The following WNK2 variants were observed in gnomAD, a reference collection of about 807,000 sequenced individuals.
WNK2 encodes the protein serine/threonine-protein kinase WNK2.
Under a neutral mutation model 192.1 loss-of-function variants are expected in WNK2, and 67 were observed. That is an observed-to-expected ratio of 0.35 (90% CI 0.29 to 0.43). WNK2 has a LOEUF of 0.43. WNK2 is among the 20% of genes least tolerant of loss of function. The pLI is 1.00. For missense variants in WNK2, 2,698 were observed against 3,089.7 expected (o/e 0.87, Z 3.01); for synonymous variants, 1,439 against 1,393.9 (o/e 1.03, Z -0.72).
Position 93,308,842 on chromosome 9 carries a change from C to T in WNK2, c.6516+258C>T, listed in dbSNP as rs1252199274. The T allele has an allele frequency of 8.7e-6, 12 of 1,372,592 alleles. No homozygotes were observed. The Admixed American group carries it at 3.9e-4, about 44-fold the overall frequency. The allele number at this position is 1,372,592 out of a possible 1,614,324, so 85.0% of individuals were successfully genotyped here. ...CCAGGCCAGGGCTGTGACTCCACAG[C>T]TCAGATACAGCAGCAGCCCCAGCCT... On this transcript the variant is annotated intron_variant, in intron 28 of 29. Transcript: ENST00000427277.
intron 19 of WNK2, among the ~76,000 whole-genome samples, chr9:93,281,512 C>T (rs192274079): frequency 1.3e-5 from 2 of 152,072 alleles, no homozygotes; most frequent in East Asian, 1.9e-4. Flanking sequence ...ATAATGAAAA[C>T]AGTAGAAAAT....
rs373319969 is a variant in WNK2 at position 93,262,136 on chromosome 9, A to G, written c.3360+29A>G. On this transcript the variant is annotated intron_variant, in intron 13 of 29. Transcript: ENST00000427277. Reference sequence around the variant, plus strand: ...TGTGCCCCTCCCCCCAGCCTGTCCCATGACTGGGCAGTTGCGGCCACCGGG... The same window carrying G: ...TGTGCCCCTCCCCCCAGCCTGTCCCGTGACTGGGCAGTTGCGGCCACCGGG... The G allele has an allele frequency of 2.2e-5, 34 of 1,550,210 alleles. 1 individual carries two copies. Among genetic ancestry groups the G allele is most frequent in the African/African-American group, 1.5e-4 (11 of 73,882 alleles).
At chr9:93,318,974 A>G in intron 29 of WNK2, 1 of 1,465,160 alleles carries the variant, frequency 6.8e-7, no homozygotes, top group Non-Finnish European at 9.0e-7. Flanking sequence ...CAATTCAGTT[A>G]GAATTGAATT....
chr9:93,268,492 C>T, intron 18 of WNK2, 135 bp from the exon 19 acceptor site: 1 of 1,377,708 alleles, frequency 7.3e-7, no homozygotes, highest in Non-Finnish European at 1.0e-6. Flanking sequence ...TGCCCACACC[C>T]TTCCTGGAGA....
At chr9:93,213,168 A>G (rs115836235) in intron 2 of WNK2, among the ~76,000 whole-genome samples, 2,305 of 152,238 alleles carry the variant, frequency 0.015, 60 homozygotes, top group African/African-American at 0.053. Flanking sequence ...TTGGAGCAAC[A>G]AGGATGGTTG....
chr9:93,188,451 C>T (rs1188514588), intron 2 of WNK2, among the ~76,000 whole-genome samples: 2 of 152,228 alleles, frequency 1.3e-5, no homozygotes, highest in Admixed American at 1.3e-4. Context: ...GGTGTTTCAC[C>T]TTCTGAATTC....
chr9:93,240,083 C>T, intron 7 of WNK2, 107 bp downstream of exon 7: 1 of 1,179,488 alleles, frequency 8.5e-7, no homozygotes, highest in South Asian at 1.5e-5. Context: ...GAGGGGACTG[C>T]AAGGCCAGTG....
At chr9:93,209,862 T>C (rs1249307180) in intron 2 of WNK2, among the ~76,000 whole-genome samples, 1 of 152,198 alleles carries the variant, frequency 6.6e-6, no homozygotes, top group African/African-American at 2.4e-5. Flanking sequence ...GGGGCTGGTC[T>C]ATCATGGTGC....
At chr9:93,300,269 G>A in intron 26 of WNK2, 120 bp downstream of exon 26, 2 of 786,454 alleles carry the variant, frequency 2.5e-6, no homozygotes, top group South Asian at 3.3e-5. Flanking sequence ...CCCCATCGAA[G>A]TCACCTATTT....
In WNK2 at chr9:93,257,221, G is replaced by A; in HGVS notation, c.2382+82G>A. Reference sequence around the variant, plus strand: ...CTGGTGCACTAGGACACCCACAGAGGGGGTTGTCTGTGCATGTGACCTGTG... The same window carrying A: ...CTGGTGCACTAGGACACCCACAGAGAGGGTTGTCTGTGCATGTGACCTGTG... On this transcript the variant is annotated intron_variant, in intron 11 of 29. Coordinates refer to ENST00000427277, the MANE Select transcript of WNK2 (RefSeq NM_006648.4). This position sits in a 1 kb window ranked among gnomAD's most constrained non-coding sequence, Gnocchi z 4.7. 6.9e-7 allele frequency: 1 copy of A among 1,452,498 alleles called. No individual in the cohort carries two copies. The highest frequency in any genetic ancestry group is 9.3e-7 in the Non-Finnish European group (1 of 1,079,748). The allele number at this position is 1,452,498 out of a possible 1,614,324, so 90.0% of individuals were successfully genotyped here. A position where few individuals can be genotyped will look rare whatever the true frequency, so the allele number is the denominator to read the frequency against.
intron 26 of WNK2, 168 bp downstream of exon 26, chr9:93,300,317 G>A (rs1219780303): frequency 5.2e-6 from 3 of 579,216 alleles, no homozygotes; most frequent in South Asian, 2.1e-5. Flanking sequence ...GTCCCCTGGA[G>A]CGGCGGCCGC....
chr9:93,218,515 G>T (rs531589175), intron 2 of WNK2, among the ~76,000 whole-genome samples: 1 of 152,338 alleles, frequency 6.6e-6, no homozygotes, highest in Admixed American at 6.5e-5. Flanking sequence ...GAAAGTTTTT[G>T]TGGTGGGATG....
intron 19 of WNK2, among the ~76,000 whole-genome samples, chr9:93,287,861 G>C (rs895097215): frequency 6.6e-6 from 1 of 152,144 alleles, no homozygotes; most frequent in African/African-American, 2.4e-5. Context: ...AGGAGTACAA[G>C]ACCAGCCTGG....
At chr9:93,260,625 G>A (rs1019951218) in intron 12 of WNK2, among the ~76,000 whole-genome samples, 4 of 152,324 alleles carry the variant, frequency 2.6e-5, no homozygotes, top group Non-Finnish European at 4.4e-5. Context: ...ACCGTGAGCC[G>A]TTCCTCCTGG....
intron 24 of WNK2, 61 bp downstream of exon 24, chr9:93,298,128 G>C: frequency 6.6e-7 from 1 of 1,518,424 alleles, no homozygotes; most frequent in Non-Finnish European, 8.9e-7. Flanking sequence ...AGTGAGCCTG[G>C]GAGGTAGGCT....
Position 93,247,717 on chromosome 9 carries a change from G to T in WNK2, c.1717G>T (p.Val573Phe). The change falls in exon 8 of 30, where the codon GTC becomes TTC. Residue 573 changes from valine to phenylalanine, a missense_variant. By Grantham distance (50) the Val-to-Phe change is conservative. Around this residue, in one of 7 missense-constraint regions of WNK2, gnomAD observed 893 missense variants for 909.0 expected, o/e 0.98. Transcript: ENST00000427277. The surrounding 1 kb of genome is among the most constrained non-coding windows in gnomAD (Gnocchi z 5.2). ...CAGGGGTCCGCCGGTGCCCCTGCAG[G>T]TCCAGGTGACCTACCATGCACAGGC... ...KARGPPVPLQVQVTYHAQAGQ... is the reference protein window; with the variant it reads ...KARGPPVPLQFQVTYHAQAGQ... 1 of 1,560,432 alleles carries T rather than the reference G, an allele frequency of 6.4e-7. No homozygotes were observed. The highest frequency in any genetic ancestry group is 1.2e-5 in the South Asian group (1 of 84,590).
intron 2 of WNK2, among the ~76,000 whole-genome samples, chr9:93,191,817 G>C (rs764578869): frequency 6.6e-6 from 1 of 152,076 alleles, no homozygotes; most frequent in Non-Finnish European, 1.5e-5. Flanking sequence ...TTGAGGTCAA[G>C]AGTTTGAAAC....
In WNK2 at chr9:93,185,100, G is replaced by T; in HGVS notation, c.171G>T (p.Leu57Phe). ...CGGACCAGGAGGAGCCGCCGGGCTT[G>T]GAGGCAGCCGAGGCGCCGGGCCCGC... ...VESDQEEPPG[L>F]EAAEAPGPQP... The change falls in exon 2 of 30, where the codon TTG becomes TTT. Residue 57 changes from leucine (L) to phenylalanine (F), a missense_variant. Transcript: ENST00000427277. The T allele has an allele frequency of 7.6e-7, 1 of 1,314,658 alleles. No homozygotes were observed. Among genetic ancestry groups the T allele is most frequent in the Non-Finnish European group, 9.7e-7 (1 of 1,027,350 alleles). 81.4% of individuals were successfully genotyped at this position (1,314,658 alleles called of 1,614,324 possible).
At chr9:93,240,059 G>T in intron 7 of WNK2, 83 bp downstream of exon 7, 1 of 1,423,708 alleles carries the variant, frequency 7.0e-7, no homozygotes, top group Non-Finnish European at 9.6e-7. Flanking sequence ...AGTGGGCTGA[G>T]GGGGCTTGCT....
Sources: gnomAD v4.1 joint callset for allele counts (sites outside exome capture counted in the v4.1 genomes callset) on GRCh38, gnomAD v4.1.1 for gene constraint, gnomAD v4.1.1 regional missense constraint, Gnocchi (gnomAD v3.1) non-coding constraint, MANE v1.5 for transcripts, NCBI Gene and HGNC (gene_info 2026-07-23, HGNC 2026-07-21) for gene names.